The following MEGF11 variants were observed in gnomAD, a reference collection of about 807,000 sequenced individuals.
The protein encoded by MEGF11 is multiple epidermal growth factor-like domains protein 11.
Under a neutral mutation model 146.6 loss-of-function variants are expected in MEGF11, and 126 were observed. The observed-to-expected ratio is 0.86, with a 90% CI of 0.74 to 1.00. The LOEUF (loss-of-function observed/expected upper bound fraction) is 1.00, where lower values mean the gene tolerates loss of function less well. Ranked by LOEUF, MEGF11 falls within the 50% of genes least tolerant of loss-of-function variation. The probability of loss-of-function intolerance (pLI) is 0.00; values close to 1 mark genes in which losing one functional copy is unlikely to be tolerated. For synonymous variants in MEGF11, 532 were observed against 583.4 expected (o/e 0.91, Z 1.27); for missense variants, 1,509 against 1,521.2 (o/e 0.99, Z 0.13).
chr15:66,246,224 T>C (rs532455065), intron 1 of MEGF11, among the ~76,000 whole-genome samples: 1 of 152,308 alleles, frequency 6.6e-6, no homozygotes, highest in Non-Finnish European at 1.5e-5. Flanking sequence ...GCCATTGCTC[T>C]CCAGCCTGAG....
At chr15:65,986,793 C>CTTTTTTTTTTTTTTTTTTTTTTT (rs34991788) in intron 5 of MEGF11, among the ~76,000 whole-genome samples, 1 of 121,332 alleles carries the variant, frequency 8.2e-6, no homozygotes, top group Non-Finnish European at 1.7e-5. Flanking sequence ...CTGATTTTTC[C>CTTTTTTTTTTTTTTTTTTTTTTT]TTTTTTTTTT....
intron 5 of MEGF11, among the ~76,000 whole-genome samples, chr15:66,070,350 T>C (rs1233253104): frequency 1.3e-5 from 2 of 152,208 alleles, no homozygotes; most frequent in Admixed American, 6.5e-5. Flanking sequence ...ACCTGGGCAT[T>C]ACCTGCCCCA....
chr15:65,969,261 ACT>A (rs2081222003), intron 8 of MEGF11, among the ~76,000 whole-genome samples: 1 of 152,146 alleles, frequency 6.6e-6, no homozygotes, highest in South Asian at 2.1e-4. Context: ...GGCGGTTTGC[ACT>A]CTCATGAGAA....
chr15:65,962,876 CTCCCAG>C (rs150770712), intron 9 of MEGF11, among the ~76,000 whole-genome samples: 68 of 152,302 alleles, frequency 4.5e-4, no homozygotes, highest in Non-Finnish European at 8.5e-4. Context: ...CTGCTACTCC[CTCCCAG>C]TCCCTGAAAC....
intron 5 of MEGF11, among the ~76,000 whole-genome samples, chr15:66,015,836 C>T (rs866873297): frequency 1.4e-5 from 2 of 140,122 alleles, no homozygotes. Flanking sequence ...AAGATTCCAC[C>T]TTTCCCAGCC....
intron 5 of MEGF11, among the ~76,000 whole-genome samples, chr15:66,077,611 CCATGTGCCAGGCAG>C (rs1181218451): frequency 1.3e-5 from 2 of 152,254 alleles, no homozygotes; most frequent in Admixed American, 1.3e-4. Flanking sequence ...TTAGTACCTT[CCATGTGCCAGGCAG>C]CATGAGGTGC....
Position 65,897,006 on chromosome 15 carries a change from G to T in MEGF11, c.*928C>A, listed in dbSNP as rs140800948. 6.6e-6 allele frequency: 1 copy of T among 152,298 alleles called. No individual in the cohort carries two copies. Among genetic ancestry groups the T allele is most frequent in the African/African-American group, 2.4e-5 (1 of 41,580 alleles). The allele number at this position is 152,298 out of a possible 1,614,324, so 9.4% of individuals were successfully genotyped here. A position where few individuals can be genotyped will look rare whatever the true frequency, so the allele number is the denominator to read the frequency against. The stretch of plus-strand genomic sequence containing the variant: ...GAAGAACTTGAAAGCAAGTACTCTT[G>T]AGTCAAGGGATGCTGACCAAATAAA... On this transcript the variant is annotated 3_prime_UTR_variant, in exon 26 of 26. Transcript: ENST00000395614.
intron 5 of MEGF11, among the ~76,000 whole-genome samples, chr15:66,091,820 G>T (rs1208929925): frequency 2.6e-5 from 4 of 152,186 alleles, no homozygotes; most frequent in Non-Finnish European, 5.9e-5. Flanking sequence ...CACGGCCAAC[G>T]GAGAGAAACC....
intron 10 of MEGF11, among the ~76,000 whole-genome samples, chr15:65,931,963 T>A (rs2079593517): frequency 6.6e-6 from 1 of 152,254 alleles, no homozygotes; most frequent in African/African-American, 2.4e-5. Flanking sequence ...TGCTCCTTGC[T>A]GGAACCCAGG....
chr15:65,977,787 C>T (rs1457648836), intron 7 of MEGF11, among the ~76,000 whole-genome samples: 1 of 151,974 alleles, frequency 6.6e-6, no homozygotes, highest in African/African-American at 2.4e-5. Context: ...TGCATGTAGG[C>T]ACACACACAC....
At chr15:66,112,241 A>C (rs1179510785) in intron 4 of MEGF11, among the ~76,000 whole-genome samples, 1 of 152,180 alleles carries the variant, frequency 6.6e-6, no homozygotes, top group African/African-American at 2.4e-5. Context: ...ATATGTTTAA[A>C]ATAATTAAAG....
chr15:65,913,547 A>G, intron 20 of MEGF11, 190 bp downstream of exon 20: 1 of 616,000 alleles, frequency 1.6e-6, no homozygotes, highest in Non-Finnish European at 2.9e-6. Context: ...CTAGGGACTC[A>G]GGAAACAATT....
At chr15:65,898,408 TTTC>T (rs202093614) in intron 25 of MEGF11, 27,036 of 985,414 alleles carry the variant, frequency 0.027, 423 homozygotes, top group Non-Finnish European at 0.03. Flanking sequence ...CTCTGATTGC[TTTC>T]TTTTTTAAAA....
At chr15:66,187,625 A>T (rs1042086081) in intron 1 of MEGF11, among the ~76,000 whole-genome samples, 6 of 152,204 alleles carry the variant, frequency 3.9e-5, no homozygotes, top group African/African-American at 1.2e-4. Context: ...GGTCTCTCCT[A>T]CCTGGGACTC....
chr15:66,098,031 A>C (rs1221317101), intron 4 of MEGF11, among the ~76,000 whole-genome samples: 1 of 152,228 alleles, frequency 6.6e-6, no homozygotes, highest in Non-Finnish European at 1.5e-5. Flanking sequence ...CCATGATAGC[A>C]ACTGCCAACT....
At chr15:66,028,857 G>A (rs766650492) in intron 5 of MEGF11, among the ~76,000 whole-genome samples, 17 of 152,168 alleles carry the variant, frequency 1.1e-4, no homozygotes, top group Non-Finnish European at 2.2e-4. Flanking sequence ...TATGCAAAAC[G>A]AAATTAATTA....
At chr15:65,971,033 A>G (rs982910838) in intron 7 of MEGF11, 6 of 309,122 alleles carry the variant, frequency 1.9e-5, no homozygotes, top group Admixed American at 4.5e-5. Flanking sequence ...TCACATGGGT[A>G]CACAGTAAAG....
chr15:66,098,360 AT>A (rs2086640762), intron 4 of MEGF11, among the ~76,000 whole-genome samples: 1 of 152,054 alleles, frequency 6.6e-6, no homozygotes, highest in Non-Finnish European at 1.5e-5. Flanking sequence ...TCTCCCTTCT[AT>A]TGGGCCTCCA....
chr15:65,949,650 G>A (rs915174056), intron 10 of MEGF11, among the ~76,000 whole-genome samples: 2 of 152,248 alleles, frequency 1.3e-5, no homozygotes, highest in African/African-American at 4.8e-5. Flanking sequence ...CATCTGGGCT[G>A]AGGAATGGCC....
Sources: gnomAD v4.1 joint callset for allele counts (sites outside exome capture counted in the v4.1 genomes callset) on GRCh38, gnomAD v4.1.1 for gene constraint, MANE v1.5 for transcripts, NCBI Gene and HGNC (gene_info 2026-07-23, HGNC 2026-07-21) for gene names.